TTC29: variants seen among roughly 807,000 people sequenced by gnomAD.
TTC29 encodes the protein tetratricopeptide repeat protein 29.
TTC29 carries 49 observed loss-of-function variants against 58.1 expected under a neutral mutation model. The ratio of observed to expected loss-of-function variants is 0.84; its 90% CI spans 0.67 to 1.07. The LOEUF (loss-of-function observed/expected upper bound fraction) is 1.07. Among genes scored for constraint, TTC29 ranks in the 50% least tolerant of loss-of-function variants. The probability of loss-of-function intolerance (pLI) is 0.00; values close to 1 mark genes in which losing one functional copy is unlikely to be tolerated. For synonymous variants in TTC29, 209 were observed against 196.8 expected (o/e 1.06, Z -0.52); for missense variants, 582 against 555.6 (o/e 1.05, Z -0.48).
At chr4:146,710,398 A>C (rs867694255) in intron 11 of TTC29, among the ~76,000 whole-genome samples, 6 of 152,274 alleles carry the variant, frequency 3.9e-5, no homozygotes, top group Middle Eastern at 3.4e-3. Context: ...AGTACATAGG[A>C]ATCTTTCAGC....
At chr4:146,821,718 T>C (rs1751843783) in intron 9 of TTC29, among the ~76,000 whole-genome samples, 1 of 152,220 alleles carries the variant, frequency 6.6e-6, no homozygotes, top group Non-Finnish European at 1.5e-5. Context: ...CCTTAAGGCA[T>C]ATAGATGTTT....
intron 8 of TTC29, among the ~76,000 whole-genome samples, chr4:146,838,899 C>T (rs1728675665): frequency 6.6e-6 from 1 of 152,006 alleles, no homozygotes; most frequent in South Asian, 2.1e-4. Flanking sequence ...CTTATGTTCA[C>T]TTTAACAAGT....
At chr4:146,927,753 G>C (rs1735035971) in intron 4 of TTC29, among the ~76,000 whole-genome samples, 1 of 152,124 alleles carries the variant, frequency 6.6e-6, no homozygotes, top group African/African-American at 2.4e-5. Context: ...GCAGGAAACT[G>C]TTAAGTTGAA....
intron 8 of TTC29, among the ~76,000 whole-genome samples, chr4:146,835,099 T>A (rs1296295614): frequency 6.6e-6 from 1 of 152,206 alleles, no homozygotes; most frequent in South Asian, 2.1e-4. Flanking sequence ...GTTAATGTGG[T>A]GAGAATGTTA....
chr4:146,750,867 T>C (rs1008620338), intron 11 of TTC29, among the ~76,000 whole-genome samples: 3 of 152,208 alleles, frequency 2.0e-5, no homozygotes, highest in East Asian at 1.9e-4. Flanking sequence ...TCTTTACCTA[T>C]ATCGATAATA....
At chr4:146,778,988 A>G (rs1343864763) in intron 11 of TTC29, among the ~76,000 whole-genome samples, 5 of 126,754 alleles carry the variant, frequency 3.9e-5, no homozygotes, top group African/African-American at 1.7e-4. Context: ...AAAAAAAAAA[A>G]AAAAAAAAAA....
chr4:146,889,999 C>A (rs1278439938), intron 6 of TTC29, among the ~76,000 whole-genome samples: 1 of 152,024 alleles, frequency 6.6e-6, no homozygotes, highest in Non-Finnish European at 1.5e-5. Flanking sequence ...TTGAGTCATG[C>A]CACTCCACCA....
intron 11 of TTC29, among the ~76,000 whole-genome samples, chr4:146,789,793 TA>T (rs11456044): frequency 1.1e-4 from 17 of 148,968 alleles, no homozygotes; most frequent in South Asian, 2.1e-4. Flanking sequence ...AGATTTTAAT[TA>T]AAAAAAAAAG....
At chr4:146,798,437 T>C (rs925262604) in intron 11 of TTC29, among the ~76,000 whole-genome samples, 12 of 152,040 alleles carry the variant, frequency 7.9e-5, no homozygotes, top group Admixed American at 5.9e-4. Context: ...AGCAGAAGGA[T>C]CAAATACACT....
At chr4:146,825,810 G>T (rs183952162) in intron 9 of TTC29, among the ~76,000 whole-genome samples, 8 of 152,244 alleles carry the variant, frequency 5.3e-5, no homozygotes, top group Admixed American at 5.2e-4. Flanking sequence ...TATATATTTA[G>T]AATAATTAGT....
intron 11 of TTC29, among the ~76,000 whole-genome samples, chr4:146,747,825 A>G (rs1266368564): frequency 1.3e-5 from 2 of 152,296 alleles, no homozygotes; most frequent in Non-Finnish European, 2.9e-5. Flanking sequence ...AGCTTGACTT[A>G]GTGGTGCCAC....
At chr4:146,815,389 G>A (rs1277155007) in intron 10 of TTC29, among the ~76,000 whole-genome samples, 1 of 152,168 alleles carries the variant, frequency 6.6e-6, no homozygotes. Flanking sequence ...CTGGGTGGAT[G>A]GATAATGTTA....
In TTC29 at chr4:146,724,596, C is replaced by G. The variant is rs77518422; in HGVS notation, c.1331-17045G>C. On this transcript the variant is annotated intron_variant, in intron 11 of 12. Transcript: ENST00000325106. ...ATGGCACAAGTTGGCTCACTGCAACCTCTGCCTCCTGAGTTCAAGCAATAC... is the reference window on the plus strand; with the variant it reads ...ATGGCACAAGTTGGCTCACTGCAACGTCTGCCTCCTGAGTTCAAGCAATAC... Among the ~76,000 whole-genome samples, 833 of 151,958 alleles carry G rather than the reference C, an allele frequency of 5.5e-3. 63 individuals carry two copies. In the East Asian group the frequency reaches 0.13, roughly 24 times the overall value.
At chr4:146,764,125 G>A (rs1290242215) in intron 11 of TTC29, 1 of 152,026 alleles carries the variant, frequency 6.6e-6, no homozygotes, top group Non-Finnish European at 1.5e-5. Flanking sequence ...ATATGGATTT[G>A]AAATTCTTGG....
intron 4 of TTC29, among the ~76,000 whole-genome samples, chr4:146,911,311 A>C (rs186941707): frequency 6.6e-6 from 1 of 152,304 alleles, no homozygotes; most frequent in Admixed American, 6.5e-5. Flanking sequence ...TCATCTGGCC[A>C]TAGCAAGGAG....
At chr4:146,882,912 TGCCAG>T (rs1165719827) in intron 6 of TTC29, among the ~76,000 whole-genome samples, 1 of 152,014 alleles carries the variant, frequency 6.6e-6, no homozygotes, top group East Asian at 1.9e-4. Context: ...TTCTACTATG[TGCCAG>T]GCGTGACACT....
intron 10 of TTC29, among the ~76,000 whole-genome samples, chr4:146,814,686 A>G (rs1751271156): frequency 1.5e-5 from 2 of 137,464 alleles, no homozygotes; most frequent in Non-Finnish European, 3.0e-5. Flanking sequence ...AAATTGTGCC[A>G]CTGCACTCCA....
intron 2 of TTC29, chr4:146,942,533 G>T: frequency 8.4e-7 from 1 of 1,189,362 alleles, no homozygotes; most frequent in Non-Finnish European, 1.2e-6. Context: ...TAACTCATGT[G>T]AGGTTTGAAG....
intron 10 of TTC29, chr4:146,813,085 G>C (rs935582943): frequency 6.6e-6 from 1 of 152,106 alleles, no homozygotes; most frequent in Admixed American, 6.6e-5. Flanking sequence ...AACAACGCTC[G>C]AATTATTACA....
Sources: gnomAD v4.1 joint callset for allele counts (sites outside exome capture counted in the v4.1 genomes callset) on GRCh38, gnomAD v4.1.1 for gene constraint, MANE v1.5 for transcripts, NCBI Gene and HGNC (gene_info 2026-07-23, HGNC 2026-07-21) for gene names.